CNTN3: variants seen among roughly 807,000 people sequenced by gnomAD.
CNTN3 encodes the protein contactin 3.
CNTN3 carries 60 observed loss-of-function variants against 119.1 expected under a neutral mutation model. The observed-to-expected ratio is 0.50, with a 90% CI of 0.41 to 0.62. The LOEUF (loss-of-function observed/expected upper bound fraction) is 0.62, where lower values mean the gene tolerates loss of function less well. Ranked by LOEUF, CNTN3 falls within the 20% of genes least tolerant of loss-of-function variation. The pLI is 0.00. For missense variants in CNTN3, 1,101 were observed against 1,242.4 expected, an observed-to-expected ratio of 0.89 and a Z score of 1.71; for synonymous variants, 450 against 438.7, an observed-to-expected ratio of 1.03 and a Z score of -0.32.
intron 1 of CNTN3, among the ~76,000 whole-genome samples, chr3:74,613,445 G>T (rs557629354): frequency 1.1e-4 from 16 of 152,140 alleles, no homozygotes; most frequent in Admixed American, 8.5e-4. Context: ...TAGCAGACTG[G>T]CTACCCCTTT....
chr3:74,549,348 C>A (rs1473787031), intron 1 of CNTN3, among the ~76,000 whole-genome samples: 3 of 152,152 alleles, frequency 2.0e-5, no homozygotes, highest in Non-Finnish European at 4.4e-5. Flanking sequence ...GCCTGTACAG[C>A]CCACAGAACT....
chr3:74,536,871 T>C (rs781699305), intron 1 of CNTN3, among the ~76,000 whole-genome samples: 1 of 152,084 alleles, frequency 6.6e-6, no homozygotes, highest in Non-Finnish European at 1.5e-5. Flanking sequence ...GTAGGCCTTA[T>C]AAATCAGAGC....
intron 5 of CNTN3, among the ~76,000 whole-genome samples, chr3:74,379,105 T>C (rs13317191): frequency 0.033 from 5,066 of 152,278 alleles, 267 homozygotes; most frequent in African/African-American, 0.11. Flanking sequence ...CAGTGGGTAC[T>C]AGCATCTTTC....
Position 74,540,124 on chromosome 3 carries a change from T to A in CNTN3, c.-80-18932A>T, listed in dbSNP as rs73839772. On this transcript the variant is annotated intron_variant, in intron 1 of 22. Transcript: ENST00000263665. ...AGCCATCCATGTTTGAAGAAGTATA[T>A]AGCTGAAATAGAAAGCTGGCTGCTC... Among the ~76,000 whole-genome samples the A allele has an allele frequency of 9.1e-3, 1,379 of 152,222 alleles. 20 individuals are homozygous for A. Among genetic ancestry groups the A allele is most frequent in the African/African-American group, 0.032 (1,310 of 41,538 alleles).
chr3:74,478,482 G>C (rs1375619045), intron 4 of CNTN3, among the ~76,000 whole-genome samples: 1 of 152,126 alleles, frequency 6.6e-6, no homozygotes. Flanking sequence ...ATGCACACTG[G>C]ATTCTGCAAT....
chr3:74,293,683 C>A (rs1468892927), intron 19 of CNTN3, among the ~76,000 whole-genome samples: 2 of 152,162 alleles, frequency 1.3e-5, no homozygotes, highest in African/African-American at 4.8e-5. Flanking sequence ...CTAAGTTGCC[C>A]AGGCCAGTCG....
At chr3:74,575,259 A>G (rs1040381385) in intron 1 of CNTN3, among the ~76,000 whole-genome samples, 2 of 151,760 alleles carry the variant, frequency 1.3e-5, no homozygotes, top group African/African-American at 4.8e-5. Flanking sequence ...GATTAGATTA[A>G]TATTTTTTTT....
At chr3:74,551,449 G>C (rs999471531) in intron 1 of CNTN3, among the ~76,000 whole-genome samples, 2 of 151,832 alleles carry the variant, frequency 1.3e-5, no homozygotes, top group African/African-American at 4.8e-5. Flanking sequence ...TGGTACATTT[G>C]TTATAACTGA....
intron 20 of CNTN3, 31 bp downstream of exon 20, chr3:74,285,274 G>C (rs138017219): frequency 5.1e-6 from 8 of 1,564,710 alleles, no homozygotes; most frequent in Non-Finnish European, 6.1e-6. Flanking sequence ...ACTATTTTCC[G>C]TACCATTCAA....
intron 1 of CNTN3, among the ~76,000 whole-genome samples, chr3:74,551,600 A>C (rs1703991016): frequency 6.6e-6 from 1 of 151,722 alleles, no homozygotes; most frequent in South Asian, 2.1e-4. Flanking sequence ...CTGCCCTAAA[A>C]ATCATCAGCA....
chr3:74,613,466 T>C (rs1299297039), intron 1 of CNTN3, among the ~76,000 whole-genome samples: 2 of 152,148 alleles, frequency 1.3e-5, no homozygotes, highest in Non-Finnish European at 1.5e-5. Context: ...CCCAGAGCTC[T>C]GTTCCCCTTT....
At chr3:74,365,405 T>A (rs1001642331) in intron 9 of CNTN3, among the ~76,000 whole-genome samples, 161 bp downstream of exon 9, 1 of 152,150 alleles carries the variant, frequency 6.6e-6, no homozygotes, top group Non-Finnish European at 1.5e-5. Flanking sequence ...CTTGATTTGA[T>A]ATTTTTCCTC....
At chr3:74,376,776 C>T (rs1378224756) in intron 5 of CNTN3, among the ~76,000 whole-genome samples, 1 of 151,874 alleles carries the variant, frequency 6.6e-6, no homozygotes, top group Admixed American at 6.6e-5. Flanking sequence ...TGACTTAAAG[C>T]CACTAAGTTT....
rs78999921 is a variant in CNTN3, at chr3:74,482,705, A to G, written c.358+3751T>C. Among the ~76,000 whole-genome samples the G allele has an allele frequency of 8.1e-3, 1,229 of 152,254 alleles. 15 individuals are homozygous for G. The highest frequency in any genetic ancestry group is 0.027 in the African/African-American group (1,131 of 41,568). On this transcript the variant is annotated intron_variant, in intron 4 of 22. Coordinates refer to ENST00000263665, the MANE Select transcript of CNTN3 (RefSeq NM_020872.3). ...ATACAACATAGTCAAGAGAAGAGAC[A>G]CAGCTAAATTGAACAATTAGAGAGA... is the stretch of plus-strand genomic sequence containing the variant.
At position 74,376,246 on chromosome 3, in the gene CNTN3, A is replaced by C. The variant is rs570524485; in HGVS notation, c.455-4847T>G. On this transcript the variant is annotated intron_variant, in intron 5 of 22. Transcript: ENST00000263665. ...TGTGTTGTTTAAAGCAGGGGTGCCC[A>C]ATCCCCCTGGTTCATGGACCAGTAC... Among the ~76,000 whole-genome samples the C allele has an allele frequency of 2.6e-5, 4 of 152,286 alleles. No homozygotes were observed. The East Asian group carries it at 5.8e-4, about 22-fold the overall frequency.
intron 4 of CNTN3, among the ~76,000 whole-genome samples, chr3:74,459,294 C>T (rs1189347339): frequency 6.6e-6 from 1 of 152,014 alleles, no homozygotes; most frequent in African/African-American, 2.4e-5. Flanking sequence ...TATCGCCAAC[C>T]TCTGTCACTT....
intron 1 of CNTN3, among the ~76,000 whole-genome samples, chr3:74,533,938 T>C (rs1048958837): frequency 2.0e-5 from 3 of 152,008 alleles, no homozygotes; most frequent in Admixed American, 1.3e-4. Context: ...CTAAATACTC[T>C]GCCATACCAC....
chr3:74,293,176 A>C (rs1320735559), intron 19 of CNTN3, among the ~76,000 whole-genome samples: 1 of 152,194 alleles, frequency 6.6e-6, no homozygotes, highest in Non-Finnish European at 1.5e-5. Context: ...GTTTGGATTG[A>C]GTGGGTCCTG....
At chr3:74,371,102 C>T (rs1704326933) in intron 6 of CNTN3, 94 bp downstream of exon 6, 1 of 845,952 alleles carries the variant, frequency 1.2e-6, no homozygotes, top group Non-Finnish European at 1.9e-6. Flanking sequence ...AGTGACAATT[C>T]TTCTAGATGT....
Sources: allele counts gnomAD v4.1 joint callset (sites outside exome capture counted in the v4.1 genomes callset), GRCh38; gene constraint gnomAD v4.1.1; transcripts MANE v1.5; gene names NCBI Gene and HGNC (gene_info 2026-07-23, HGNC 2026-07-21).